CDKAL1: variants seen among roughly 807,000 people sequenced by gnomAD.
The protein encoded by CDKAL1 is CDKAL1 threonylcarbamoyladenosine tRNA methylthiotransferase, also known as threonylcarbamoyladenosine tRNA methylthiotransferase.
Under a neutral mutation model 68.2 loss-of-function variants are expected in CDKAL1, and 32 were observed. The observed-to-expected ratio is 0.47, with a 90% CI of 0.35 to 0.63. CDKAL1 has a LOEUF of 0.63. CDKAL1 is among the 30% of genes least tolerant of loss of function. The probability of loss-of-function intolerance (pLI) is 0.00; values close to 1 mark genes in which losing one functional copy is unlikely to be tolerated. For synonymous variants in CDKAL1, 234 were observed against 244.3 expected (o/e 0.96, Z 0.39); for missense variants, 606 against 696.7 (o/e 0.87, Z 1.47).
chr6:20,687,591 C>T lies in CDKAL1; in HGVS notation c.371+38214C>T, dbSNP rs554482787. Among the ~76,000 whole-genome samples the T allele has an allele frequency of 1.2e-4, 18 of 152,162 alleles. No individual in the cohort carries two copies. The South Asian group carries it at 3.7e-3, about 32-fold the overall frequency. ...GTGGGGTCTTACTCTGTCACACAGG[C>T]TGGAGTGCATGGTCACAGCTCACTG... On this transcript the variant is annotated intron_variant, in intron 5 of 15. Transcript: ENST00000274695.
intron 13 of CDKAL1, among the ~76,000 whole-genome samples, chr6:21,180,104 T>G (rs1777732682): frequency 6.6e-6 from 1 of 152,232 alleles, no homozygotes; most frequent in Non-Finnish European, 1.5e-5. Context: ...GGCATTGGTT[T>G]CCTGATCTGT....
At chr6:21,141,864 A>G (rs1207073958) in intron 13 of CDKAL1, among the ~76,000 whole-genome samples, 1 of 152,214 alleles carries the variant, frequency 6.6e-6, no homozygotes, top group Non-Finnish European at 1.5e-5. Flanking sequence ...ACCCAAAATG[A>G]GGTAACTACA....
intron 10 of CDKAL1, among the ~76,000 whole-genome samples, chr6:20,988,714 AT>A (rs1339983240): frequency 1.3e-5 from 2 of 151,926 alleles, no homozygotes; most frequent in African/African-American, 2.4e-5. Flanking sequence ...CAGTGGCACG[AT>A]CTCAGCTCAC....
At chr6:20,574,219 C>T (rs1222027085) in intron 4 of CDKAL1, among the ~76,000 whole-genome samples, 1 of 152,036 alleles carries the variant, frequency 6.6e-6, no homozygotes, top group Non-Finnish European at 1.5e-5. Context: ...ATGATTTCTA[C>T]AAAAATAAAC....
intron 10 of CDKAL1, among the ~76,000 whole-genome samples, chr6:20,969,555 A>T (rs1765490208): frequency 6.6e-6 from 1 of 152,144 alleles, no homozygotes; most frequent in African/African-American, 2.4e-5. Flanking sequence ...AATTCTGTAA[A>T]GTCTGTATTC....
intron 4 of CDKAL1, among the ~76,000 whole-genome samples, chr6:20,563,902 G>A (rs113559689): frequency 9.9e-5 from 15 of 151,948 alleles, no homozygotes; most frequent in Admixed American, 2.0e-4. Flanking sequence ...ATATAACTTG[G>A]CTCATTATCT....
At chr6:20,666,821 T>C (rs565569593) in intron 5 of CDKAL1, among the ~76,000 whole-genome samples, 2 of 152,218 alleles carry the variant, frequency 1.3e-5, no homozygotes, top group African/African-American at 4.8e-5. Flanking sequence ...TGTTTAAAGA[T>C]TTAACTAGTT....
intron 8 of CDKAL1, among the ~76,000 whole-genome samples, chr6:20,835,684 A>G (rs1777909314): frequency 6.6e-6 from 1 of 151,988 alleles, no homozygotes; most frequent in Admixed American, 6.6e-5. Context: ...AGTAGCTGGG[A>G]TTACAGGCGT....
At chr6:20,534,854 T>C (rs1363713769) in intron 1 of CDKAL1, among the ~76,000 whole-genome samples, 6 of 152,218 alleles carry the variant, frequency 3.9e-5, no homozygotes, top group African/African-American at 1.2e-4. Flanking sequence ...TCCCACTTTA[T>C]ACCTTAGTGA....
chr6:20,856,661 G>A (rs541064492), intron 9 of CDKAL1, among the ~76,000 whole-genome samples: 1 of 152,246 alleles, frequency 6.6e-6, no homozygotes, highest in South Asian at 2.1e-4. Flanking sequence ...AATGATTCTT[G>A]TGACCAGGTA....
chr6:21,142,188 T>C (rs1278738884), intron 13 of CDKAL1, among the ~76,000 whole-genome samples: 1 of 152,142 alleles, frequency 6.6e-6, no homozygotes, highest in Non-Finnish European at 1.5e-5. Flanking sequence ...AGTTCCTTCC[T>C]TCCTTTTCTC....
intron 11 of CDKAL1, among the ~76,000 whole-genome samples, chr6:21,061,836 A>AT (rs1288199879): frequency 6.6e-6 from 1 of 152,190 alleles, no homozygotes; most frequent in Non-Finnish European, 1.5e-5. Flanking sequence ...CTTAAAAAAC[A>AT]TTTTATAAGC....
At position 20,660,803 on chromosome 6, in the gene CDKAL1, A is replaced by C. The variant is rs10946398; in HGVS notation, c.371+11426A>C. 0.4 allele frequency among the ~76,000 whole-genome samples: 60,209 copies of C among 151,990 alleles called. 13,060 individuals are homozygous for C. The highest frequency in any genetic ancestry group is 0.58 in the African/African-American group (24,174 of 41,436). ...TTTGGGAAAAGGGTTTAGTATCGTTATGCTGTCATTGCATCAAGTCATCGT... is the reference window on the plus strand; with the variant it reads ...TTTGGGAAAAGGGTTTAGTATCGTTCTGCTGTCATTGCATCAAGTCATCGT... On this transcript the variant is annotated intron_variant, in intron 5 of 15. Transcript: ENST00000274695.
At chr6:20,632,547 C>T (rs1424643188) in intron 4 of CDKAL1, among the ~76,000 whole-genome samples, 1 of 152,234 alleles carries the variant, frequency 6.6e-6, no homozygotes, top group Non-Finnish European at 1.5e-5. Context: ...TCTGTCAGAG[C>T]TTAACCCCAG....
chr6:21,025,002 G>A (rs1188899982), intron 11 of CDKAL1, among the ~76,000 whole-genome samples: 1 of 152,176 alleles, frequency 6.6e-6, no homozygotes, highest in Non-Finnish European at 1.5e-5. Flanking sequence ...AAAATATTGG[G>A]TAGCAGAAAA....
At chr6:20,872,215 G>A (rs1348771015) in intron 9 of CDKAL1, among the ~76,000 whole-genome samples, 3 of 152,042 alleles carry the variant, frequency 2.0e-5, no homozygotes, top group South Asian at 2.1e-4. Context: ...AAATGAAAAC[G>A]TGTGTGAAAA....
chr6:20,553,747 A>T (rs926136937), intron 4 of CDKAL1, among the ~76,000 whole-genome samples: 1 of 152,086 alleles, frequency 6.6e-6, no homozygotes, highest in Non-Finnish European at 1.5e-5. Flanking sequence ...AGTAGCTGGG[A>T]TTACCGGTGT....
At chr6:20,881,859 T>C (rs1431321563) in intron 9 of CDKAL1, among the ~76,000 whole-genome samples, 1 of 152,178 alleles carries the variant, frequency 6.6e-6, no homozygotes, top group Non-Finnish European at 1.5e-5. Flanking sequence ...TTGGAAATTG[T>C]AACCACTGCT....
intron 6 of CDKAL1, among the ~76,000 whole-genome samples, chr6:20,746,956 A>G (rs1773688614): frequency 6.6e-6 from 1 of 152,156 alleles, no homozygotes; most frequent in Admixed American, 6.5e-5. Flanking sequence ...TGTCCTACAT[A>G]ACTGCAACTT....
Sources: gnomAD v4.1 joint callset for allele counts (sites outside exome capture counted in the v4.1 genomes callset) on GRCh38, gnomAD v4.1.1 for gene constraint, MANE v1.5 for transcripts, NCBI Gene and HGNC (gene_info 2026-07-23, HGNC 2026-07-21) for gene names.